The following ABRAXAS2 variants were observed in gnomAD, a reference collection of about 807,000 sequenced individuals.
ABRAXAS2 encodes the protein BRISC complex subunit Abraxas 2.
ABRAXAS2 carries 23 observed loss-of-function variants against 49.0 expected under a neutral mutation model. The observed-to-expected ratio is 0.47, with a 90% CI of 0.34 to 0.66. The LOEUF (loss-of-function observed/expected upper bound fraction) is 0.66. ABRAXAS2 is among the 30% of genes least tolerant of loss of function. ABRAXAS2 has a pLI of 0.01. For missense variants in ABRAXAS2, 443 were observed against 511.9 expected (o/e 0.87, Z 1.30); for synonymous variants, 168 against 180.2 (o/e 0.93, Z 0.54).
chr10:124,826,606 G>T lies in ABRAXAS2; in HGVS notation c.279G>T (p.Gly93=), dbSNP rs780884214. 3.7e-6 allele frequency: 6 copies of T among 1,612,658 alleles called. No homozygotes were observed. The highest frequency in any genetic ancestry group is 3.4e-6 in the Non-Finnish European group (4 of 1,179,408). ...ILKDRRKKVI[G]WYRFRRNTQQ... is the part of the protein sequence containing the mutation. ...CACTTTTCTTTCAGAAAGTCATTGG[G>T]TGGTACAGATTCCGGCGCAATACGC... Residue 93 remains glycine, a synonymous_variant, in exon 5 of 9, where the codon GGG becomes GGT. Coordinates refer to ENST00000298492, the MANE Select transcript of ABRAXAS2 (RefSeq NM_032182.4).
Position 124,828,739 on chromosome 10 carries a change from C to G in ABRAXAS2, c.459-17C>G. On this transcript the variant is annotated splice_polypyrimidine_tract_variant and intron_variant, in intron 5 of 8. Coordinates refer to ENST00000298492, the MANE Select transcript of ABRAXAS2 (RefSeq NM_032182.4). ...GAATGGTACATTTAACATGATCTCT[C>G]TGAATTTTTCCCATAGGTATAATCA... 6.2e-7 allele frequency: 1 copy of G among 1,609,674 alleles called. No individual in the cohort carries two copies. Among genetic ancestry groups the G allele is most frequent in the South Asian group, 1.1e-5 (1 of 90,798 alleles).
intron 3 of ABRAXAS2, 44 bp downstream of exon 3, chr10:124,816,656 T>A: frequency 1.4e-6 from 2 of 1,451,662 alleles, no homozygotes; most frequent in Non-Finnish European, 9.6e-7. Context: ...AAGGATTGAT[T>A]GATAAAAAAA....
Position 124,835,563 on chromosome 10 carries a change from T to C in ABRAXAS2, c.*592T>C, listed in dbSNP as rs1269143663. ...CCAACTTTTTTCTACTAGCTTGATA[T>C]GTATTATCACTTAAAATGGTTGCCT... On this transcript the variant is annotated 3_prime_UTR_variant, in exon 9 of 9. Transcript: ENST00000298492. 2 of 152,572 alleles carry C rather than the reference T, an allele frequency of 1.3e-5. No homozygotes were observed. The highest frequency in any genetic ancestry group is 2.4e-5 in the African/African-American group (1 of 41,438). The allele number at this position is 152,572 out of a possible 1,614,324, so 9.5% of individuals were successfully genotyped here. A position where few individuals can be genotyped will look rare whatever the true frequency, so the allele number is the denominator to read the frequency against.
At chr10:124,826,516 T>G in intron 4 of ABRAXAS2, 79 bp from the exon 5 acceptor site, 1 of 1,389,648 alleles carries the variant, frequency 7.2e-7, no homozygotes, top group East Asian at 2.3e-5. Flanking sequence ...CTATGAACAT[T>G]TGTGCATGTG....
At chr10:124,826,448 T>C (rs1488190208) in intron 4 of ABRAXAS2, 147 bp from the exon 5 acceptor site, 4 of 673,888 alleles carry the variant, frequency 5.9e-6, no homozygotes, top group Admixed American at 3.0e-5. Flanking sequence ...TGTTTATCCA[T>C]GCTCCTGCTC....
chr10:124,828,661 A>G lies in ABRAXAS2; in HGVS notation c.459-95A>G. The G allele has an allele frequency of 2.4e-6, 3 of 1,244,612 alleles. No individual in the cohort carries two copies. In the South Asian group the frequency reaches 4.6e-5, roughly 19 times the overall value. The allele number at this position is 1,244,612 out of a possible 1,614,324, so 77.1% of individuals were successfully genotyped here. On this transcript the variant is annotated intron_variant, in intron 5 of 8. Coordinates refer to ENST00000298492, the MANE Select transcript of ABRAXAS2 (RefSeq NM_032182.4). ...AGTGCTGAGATTAGAGGTGTGAGCC[A>G]CCACACCCAGCCCTTTTTTTTTTTA...
chr10:124,831,840 G>GTATTTTTTTTTTTTTTTTTT (rs1564925948), intron 8 of ABRAXAS2, among the ~76,000 whole-genome samples: 2 of 106,208 alleles, frequency 1.9e-5, no homozygotes, highest in Non-Finnish European at 1.8e-5. Flanking sequence ...ACTGTGTCCT[G>GTATTTTTTTTTTTTTTTTTT]TCTTTTTTTT....
rs145390961 is a variant in ABRAXAS2 at position 124,832,918 on chromosome 10, C to T, written c.778+1455C>T. ...ATCCCAGCACTTTGGGAGACCAAAG[C>T]GGGTGGATCACGAGGTCAGGAGTTC... On this transcript the variant is annotated intron_variant, in intron 8 of 8. Coordinates refer to ENST00000298492, the MANE Select transcript of ABRAXAS2 (RefSeq NM_032182.4). 4.5e-3 allele frequency among the ~76,000 whole-genome samples: 684 copies of T among 151,486 alleles called. 6 individuals carry two copies. The highest frequency in any genetic ancestry group is 0.016 in the African/African-American group (647 of 41,290).
At chr10:124,828,899 G>GT in intron 6 of ABRAXAS2, 24 bp downstream of exon 6, 1 of 1,605,630 alleles carries the variant, frequency 6.2e-7, no homozygotes, top group Non-Finnish European at 8.5e-7. Context: ...TAAAGTGCTA[G>GT]TTTTTTCTTT....
intron 2 of ABRAXAS2, among the ~76,000 whole-genome samples, chr10:124,814,441 C>G (rs1442536654): frequency 6.6e-6 from 1 of 151,404 alleles, no homozygotes; most frequent in African/African-American, 2.4e-5. Flanking sequence ...CCTCCGCCTC[C>G]TGGGTTCAAG....
intron 2 of ABRAXAS2, chr10:124,815,112 C>A (rs1029238422): frequency 4.6e-5 from 7 of 152,174 alleles, no homozygotes; most frequent in African/African-American, 1.2e-4. Flanking sequence ...CTTTTCTTTC[C>A]TGTGGAAATA....
chr10:124,818,757 A>G (rs1230247922), intron 3 of ABRAXAS2, among the ~76,000 whole-genome samples: 2 of 152,174 alleles, frequency 1.3e-5, no homozygotes, highest in African/African-American at 4.8e-5. Flanking sequence ...GATCCTGGTC[A>G]TGTTGGTCTC....
At chr10:124,806,149 A>G (rs1420985477) in intron 1 of ABRAXAS2, among the ~76,000 whole-genome samples, 1 of 151,648 alleles carries the variant, frequency 6.6e-6, no homozygotes, top group Non-Finnish European at 1.5e-5. Flanking sequence ...AATACAAAAA[A>G]AAAAAAATTA....
At chr10:124,817,317 G>T (rs112949373) in intron 3 of ABRAXAS2, among the ~76,000 whole-genome samples, 68 of 152,230 alleles carry the variant, frequency 4.5e-4, no homozygotes, top group African/African-American at 1.6e-3. Flanking sequence ...GAAACGTTCG[G>T]AAAGGAGAAA....
intron 4 of ABRAXAS2, among the ~76,000 whole-genome samples, chr10:124,825,222 G>C (rs1340703445): frequency 6.6e-6 from 1 of 150,796 alleles, no homozygotes; most frequent in Non-Finnish European, 1.5e-5. Flanking sequence ...GGAGGCTGAA[G>C]CAGGGGAATC....
chr10:124,814,407 T>C (rs1465996034), intron 2 of ABRAXAS2, among the ~76,000 whole-genome samples: 1 of 152,144 alleles, frequency 6.6e-6, no homozygotes, highest in African/African-American at 2.4e-5. Flanking sequence ...TAGAGTGCAA[T>C]GGTGTGATCT....
chr10:124,812,569 G>A (rs2559511), intron 2 of ABRAXAS2, among the ~76,000 whole-genome samples: 1 of 152,148 alleles, frequency 6.6e-6, no homozygotes, highest in Non-Finnish European at 1.5e-5. Flanking sequence ...CTTGAGCCTA[G>A]GAGATTGAGG....
chr10:124,834,755 C>T lies in ABRAXAS2; in HGVS notation c.1032C>T (p.Ser344=), dbSNP rs1950958859. 1 of 1,614,104 alleles carries T rather than the reference C, an allele frequency of 6.2e-7. No homozygotes were observed. Among genetic ancestry groups the T allele is most frequent in the Non-Finnish European group, 8.5e-7 (1 of 1,180,010 alleles). ...CTGTGGGCTCTTCCAATTATGCTTC[C>T]ACCAGTGCCGGACTGAAGTATCCTG... ...PQAVGSSNYA[S]TSAGLKYPGS... is the part of the protein sequence containing the mutation. The change falls in exon 9 of 9, where the codon TCC becomes TCT. Residue 344 remains serine, a synonymous_variant. Transcript: ENST00000298492.
At chr10:124,808,609 C>A (rs1326573058) in intron 2 of ABRAXAS2, among the ~76,000 whole-genome samples, 1 of 152,000 alleles carries the variant, frequency 6.6e-6, no homozygotes, top group Non-Finnish European at 1.5e-5. Flanking sequence ...CCAGACAGTG[C>A]GAGAAGAATT....
Sources: gnomAD v4.1 joint callset for allele counts (sites outside exome capture counted in the v4.1 genomes callset) on GRCh38, gnomAD v4.1.1 for gene constraint, MANE v1.5 for transcripts, NCBI Gene and HGNC (gene_info 2026-07-23, HGNC 2026-07-21) for gene names.